FERMT2: variants seen among roughly 807,000 people sequenced by gnomAD.
The protein encoded by FERMT2 is fermitin family homolog 2.
Under a neutral mutation model 82.7 loss-of-function variants are expected in FERMT2, and 15 were observed. That is an observed-to-expected ratio of 0.18 (90% CI 0.12 to 0.28). The LOEUF is 0.28. Among genes scored for constraint, FERMT2 ranks in the 10% least tolerant of loss-of-function variants. FERMT2 has a pLI of 1.00. For missense variants in FERMT2, 645 were observed against 809.4 expected (o/e 0.80, Z 2.46); for synonymous variants, 274 against 271.5 (o/e 1.01, Z -0.09).
chr14:52,887,944 C>T (rs1385711734), intron 4 of FERMT2, among the ~76,000 whole-genome samples: 1 of 152,016 alleles, frequency 6.6e-6, no homozygotes, highest in East Asian at 1.9e-4. Flanking sequence ...AAGACATCAC[C>T]AAAACTGCTG....
At position 52,919,338 on chromosome 14, in the gene FERMT2, G is replaced by A; in HGVS notation, c.176C>T (p.Ser59Phe). 6.3e-7 allele frequency: 1 copy of A among 1,597,274 alleles called. No individual in the cohort carries two copies. Among genetic ancestry groups the A allele is most frequent in the Non-Finnish European group, 8.5e-7 (1 of 1,171,856 alleles). ...CTTTTCCCACCAGAGAGCATGGTCA[G>A]ACCAATCTTTTTTTACATCTATAAA... Reference protein sequence around the residue: ...VEKLDVKKDWSDHALWWEKKR... With the variant: ...VEKLDVKKDWFDHALWWEKKR... The change falls in exon 3 of 15, where the codon TCT (serine) becomes TTT (phenylalanine). Residue 59 changes from serine to phenylalanine, a missense_variant. By Grantham distance (155) the Ser-to-Phe change is radical (BLOSUM62 -2). Coordinates refer to ENST00000341590, the MANE Select transcript of FERMT2 (RefSeq NM_006832.3).
At chr14:52,872,742 A>G in intron 10 of FERMT2, 57 bp downstream of exon 10, 1 of 1,562,490 alleles carries the variant, frequency 6.4e-7, no homozygotes, top group Non-Finnish European at 8.7e-7. Flanking sequence ...TGGCTCATTG[A>G]CTATTAGGCC....
chr14:52,880,958 G>C, intron 6 of FERMT2, 78 bp downstream of exon 6: 3 of 870,178 alleles, frequency 3.4e-6, no homozygotes. Flanking sequence ...TTATTCCACC[G>C]ACTTCCAAAA....
intron 2 of FERMT2, among the ~76,000 whole-genome samples, chr14:52,938,979 T>A (rs1361651917): frequency 6.6e-6 from 1 of 152,146 alleles, no homozygotes; most frequent in African/African-American, 2.4e-5. Flanking sequence ...ACTTTAATTC[T>A]TTATAGTATT....
intron 3 of FERMT2, among the ~76,000 whole-genome samples, chr14:52,910,179 T>C (rs547114874): frequency 6.6e-6 from 1 of 152,228 alleles, no homozygotes; most frequent in African/African-American, 2.4e-5. Flanking sequence ...ATTACAAAAA[T>C]TTTTTAAACA....
chr14:52,904,383 G>A (rs1887860323), intron 3 of FERMT2, among the ~76,000 whole-genome samples: 2 of 152,210 alleles, frequency 1.3e-5, no homozygotes, highest in African/African-American at 4.8e-5. Flanking sequence ...TGGGCATGGT[G>A]GCATGTACCT....
intron 10 of FERMT2, among the ~76,000 whole-genome samples, chr14:52,870,280 G>T (rs189907358): frequency 4.1e-5 from 6 of 144,588 alleles, no homozygotes; most frequent in African/African-American, 1.3e-4. Flanking sequence ...ACGGAGTTTC[G>T]TTCTTGTTGC....
At chr14:52,860,523 G>C in intron 12 of FERMT2, 58 bp from the exon 13 acceptor site, 1 of 1,480,316 alleles carries the variant, frequency 6.8e-7, no homozygotes, top group Non-Finnish European at 9.2e-7. Context: ...TGGGAGAACT[G>C]AGACAAAAGA....
At position 52,858,237 on chromosome 14, in the gene FERMT2, T is replaced by C; in HGVS notation, c.*140A>G. The C allele has an allele frequency of 1.5e-6, 1 of 675,144 alleles. No individual in the cohort carries two copies. The highest frequency in any genetic ancestry group is 2.7e-5 in the East Asian group (1 of 37,302). 41.8% of individuals were successfully genotyped at this position (675,144 alleles called of 1,614,324 possible). A position where few individuals can be genotyped will look rare whatever the true frequency, so the allele number is the denominator to read the frequency against. On this transcript the variant is annotated 3_prime_UTR_variant, in exon 15 of 15. Coordinates refer to ENST00000341590, the MANE Select transcript of FERMT2 (RefSeq NM_006832.3). The stretch of plus-strand genomic sequence containing the variant: ...TAGTCGTGCTTGTTTAGTGCACATA[T>C]TAACTGGTCTGGTAAGGCAAAGAAG...
intron 4 of FERMT2, among the ~76,000 whole-genome samples, chr14:52,886,466 G>A (rs996750583): frequency 2.0e-5 from 3 of 152,116 alleles, no homozygotes; most frequent in Non-Finnish European, 4.4e-5. Flanking sequence ...AAGTAGCTAG[G>A]ACTACAGGTG....
chr14:52,887,188 T>A (rs899382178), intron 4 of FERMT2, among the ~76,000 whole-genome samples: 18 of 150,184 alleles, frequency 1.2e-4, no homozygotes, highest in African/African-American at 3.9e-4. Flanking sequence ...CAGGCTGGAG[T>A]GCAATGGTGC....
chr14:52,867,168 C>A (rs1210109720), intron 10 of FERMT2, among the ~76,000 whole-genome samples: 1 of 151,086 alleles, frequency 6.6e-6, no homozygotes, highest in African/African-American at 2.4e-5. Flanking sequence ...AACTCCTGGG[C>A]TCAAGCAATC....
chr14:52,922,204 G>T (rs1329990770), intron 2 of FERMT2, among the ~76,000 whole-genome samples: 1 of 152,282 alleles, frequency 6.6e-6, no homozygotes, highest in East Asian at 1.9e-4. Flanking sequence ...GCATGCCTCA[G>T]AACTCTCCCA....
intron 2 of FERMT2, among the ~76,000 whole-genome samples, chr14:52,940,348 C>T (rs1001590952): frequency 1.3e-5 from 2 of 152,156 alleles, no homozygotes; most frequent in Non-Finnish European, 2.9e-5. Flanking sequence ...AATTCACTTC[C>T]AAGCAGCATT....
Position 52,881,399 on chromosome 14 carries a change from G to A in FERMT2, c.597C>T (p.Ser199=). The change falls in exon 5 of 15, where the codon AGC becomes AGT. Residue 199 remains serine (S), a synonymous_variant. Coordinates refer to ENST00000341590, the MANE Select transcript of FERMT2 (RefSeq NM_006832.3). ...ACCAAGCAGAAGTTGGTGACAAGGG[G>A]CTTCCATCATGAGCATCATAAGTGG... ...MTPTYDAHDG[S]PLSPTSAWFG... The A allele has an allele frequency of 6.2e-7, 1 of 1,613,950 alleles. No homozygotes were observed. Among genetic ancestry groups the A allele is most frequent in the Non-Finnish European group, 8.5e-7 (1 of 1,179,974 alleles).
chr14:52,858,663 C>T, intron 14 of FERMT2, 113 bp from the exon 15 acceptor site: 1 of 916,704 alleles, frequency 1.1e-6, no homozygotes, highest in Non-Finnish European at 1.7e-6. Flanking sequence ...TGTTGATCCT[C>T]AAATGATCAG....
intron 10 of FERMT2, 115 bp from the exon 11 acceptor site, chr14:52,864,968 T>C: frequency 1.5e-6 from 1 of 670,410 alleles, no homozygotes; most frequent in Non-Finnish European, 2.6e-6. Context: ...CCATAGTATT[T>C]TATGAAGGCA....
intron 2 of FERMT2, among the ~76,000 whole-genome samples, chr14:52,927,720 G>A (rs1365873541): frequency 6.7e-6 from 1 of 149,688 alleles, no homozygotes; most frequent in African/African-American, 2.5e-5. Flanking sequence ...ATAGAAAGTT[G>A]ATCAAATCCC....
intron 2 of FERMT2, among the ~76,000 whole-genome samples, chr14:52,936,166 T>A (rs975910278): frequency 3.3e-5 from 5 of 152,180 alleles, no homozygotes; most frequent in Non-Finnish European, 7.3e-5. Flanking sequence ...TAGAGAAGTA[T>A]TAGTTGTGTT....
Sources: gnomAD v4.1 joint callset for allele counts (sites outside exome capture counted in the v4.1 genomes callset) on GRCh38, gnomAD v4.1.1 for gene constraint, MANE v1.5 for transcripts, NCBI Gene and HGNC (gene_info 2026-07-23, HGNC 2026-07-21) for gene names.